SLC8A3: variants seen among roughly 807,000 people sequenced by gnomAD.
SLC8A3 encodes sodium/calcium exchanger 3.
Under a neutral mutation model 65.4 loss-of-function variants are expected in SLC8A3, and 37 were observed. The observed-to-expected ratio is 0.57, with a 90% confidence interval of 0.44 to 0.74. SLC8A3 has a LOEUF of 0.74. Among genes scored for constraint, SLC8A3 ranks in the 30% least tolerant of loss-of-function variants. The pLI is 0.00. For synonymous variants in SLC8A3, 461 were observed against 444.5 expected, an observed-to-expected ratio of 1.04 and a Z score of -0.47; for missense variants, 1,112 against 1,172.1, an observed-to-expected ratio of 0.95 and a Z score of 0.75.
In SLC8A3 at chr14:70,140,024, C is replaced by CTTT. The variant is rs1487970806; in HGVS notation, c.1784+26614_1784+26615insAAA. On this transcript the variant is annotated intron_variant, in intron 2 of 6. Coordinates refer to ENST00000356921, the MANE Select transcript of SLC8A3 (RefSeq NM_182932.3). Reference sequence around the variant, plus strand: ...TGGTGCCAAAGTAATTGTGGTTTTGCCATGACTTTTAATGGTAAAAATTGC... The same window carrying CTTT: ...TGGTGCCAAAGTAATTGTGGTTTTGCTTTCATGACTTTTAATGGTAAAAATTGC... Among the ~76,000 whole-genome samples the CTTT allele has an allele frequency of 5.9e-3, 899 of 152,200 alleles. 6 individuals carry two copies. The highest frequency in any genetic ancestry group is 0.021 in the African/African-American group (861 of 41,492).
intron 2 of SLC8A3, among the ~76,000 whole-genome samples, chr14:70,075,856 C>T (rs1412458955): frequency 6.6e-6 from 1 of 152,174 alleles, no homozygotes. Flanking sequence ...TTAGCATACT[C>T]GGAATCATCT....
intron 1 of SLC8A3, among the ~76,000 whole-genome samples, chr14:70,176,734 T>A (rs904085322): frequency 2.6e-5 from 4 of 152,262 alleles, no homozygotes; most frequent in Admixed American, 1.3e-4. Context: ...TCTACCCACA[T>A]AAGCAGATTT....
chr14:70,044,996 G>A lies in SLC8A3; in HGVS notation c.*951C>T, dbSNP rs1886595097. 1 of 152,168 alleles carries A rather than the reference G, an allele frequency of 6.6e-6. No individual in the cohort carries two copies. Among genetic ancestry groups the A allele is most frequent in the Non-Finnish European group, 1.5e-5 (1 of 68,042 alleles). The allele number at this position is 152,168 out of a possible 1,614,324, so 9.4% of individuals were successfully genotyped here. On this transcript the variant is annotated 3_prime_UTR_variant, in exon 7 of 7. Coordinates refer to ENST00000356921, the MANE Select transcript of SLC8A3 (RefSeq NM_182932.3). Reference sequence around the variant, plus strand: ...CCTTTTGTTCTTCCAGTAGCCCTTTGTCGTCACACACCATTCCTATTTTTG... The same window carrying A: ...CCTTTTGTTCTTCCAGTAGCCCTTTATCGTCACACACCATTCCTATTTTTG...
At chr14:70,086,651 C>T (rs562536705) in intron 2 of SLC8A3, among the ~76,000 whole-genome samples, 2 of 151,958 alleles carry the variant, frequency 1.3e-5, no homozygotes, top group Admixed American at 6.6e-5. Flanking sequence ...TGGTCTGCCC[C>T]CCTCAGCCTC....
At chr14:70,110,235 G>T (rs967258836) in intron 2 of SLC8A3, among the ~76,000 whole-genome samples, 1 of 152,028 alleles carries the variant, frequency 6.6e-6, no homozygotes, top group Non-Finnish European at 1.5e-5. Flanking sequence ...GTACAGCTAC[G>T]TTATTATTTA....
intron 2 of SLC8A3, among the ~76,000 whole-genome samples, chr14:70,157,611 C>T (rs947823309): frequency 2.6e-5 from 4 of 152,120 alleles, no homozygotes; most frequent in African/African-American, 4.8e-5. Context: ...TAAAGAAGCC[C>T]ATAGAGAGAA....
chr14:70,098,641 A>G (rs981798324), intron 2 of SLC8A3, among the ~76,000 whole-genome samples: 3 of 152,212 alleles, frequency 2.0e-5, no homozygotes, highest in Non-Finnish European at 4.4e-5. Flanking sequence ...CACTGGGGAC[A>G]GTCAGCTGTC....
chr14:70,074,240 G>T (rs562658443), intron 2 of SLC8A3, among the ~76,000 whole-genome samples: 1 of 152,212 alleles, frequency 6.6e-6, no homozygotes, highest in Non-Finnish European at 1.5e-5. Context: ...GGGTCCCAAA[G>T]GGGTTGTCAG....
intron 2 of SLC8A3, among the ~76,000 whole-genome samples, chr14:70,064,223 C>G (rs889267162): frequency 6.6e-6 from 1 of 152,164 alleles, no homozygotes; most frequent in Non-Finnish European, 1.5e-5. Context: ...GCTGTGTAAT[C>G]TTGGATACAT....
At chr14:70,053,976 A>G (rs1045128624) in intron 3 of SLC8A3, among the ~76,000 whole-genome samples, 2 of 152,234 alleles carry the variant, frequency 1.3e-5, no homozygotes, top group African/African-American at 4.8e-5. Flanking sequence ...TTAGAGGACC[A>G]TAGTGATTCT....
At chr14:70,114,955 C>T (rs1009711749) in intron 2 of SLC8A3, among the ~76,000 whole-genome samples, 13 of 152,156 alleles carry the variant, frequency 8.5e-5, no homozygotes, top group African/African-American at 2.7e-4. Context: ...CTTTGCAGAG[C>T]CAGGTGGGGC....
At chr14:70,059,871 T>C (rs993040944) in intron 3 of SLC8A3, among the ~76,000 whole-genome samples, 23 of 152,192 alleles carry the variant, frequency 1.5e-4, no homozygotes, top group African/African-American at 5.3e-4. Context: ...GTCAGTCCTT[T>C]TCTGGGGCCC....
chr14:70,184,049 T>C (rs1882977750), intron 1 of SLC8A3, among the ~76,000 whole-genome samples: 3 of 152,228 alleles, frequency 2.0e-5, no homozygotes, highest in African/African-American at 7.2e-5. Flanking sequence ...CTAATAAATC[T>C]GCCTTTTATT....
chr14:70,180,973 C>A (rs539510054), intron 1 of SLC8A3, among the ~76,000 whole-genome samples: 1 of 152,326 alleles, frequency 6.6e-6, no homozygotes, highest in East Asian at 1.9e-4. Context: ...CAAGTTACAG[C>A]TGGAAGGTCC....
intron 2 of SLC8A3, among the ~76,000 whole-genome samples, chr14:70,136,524 C>A (rs1895213334): frequency 6.6e-6 from 1 of 152,160 alleles, no homozygotes; most frequent in African/African-American, 2.4e-5. Context: ...CATAATGAGC[C>A]CACTCGCCTT....
intron 2 of SLC8A3, among the ~76,000 whole-genome samples, chr14:70,090,495 C>T (rs1450692774): frequency 6.6e-6 from 1 of 152,150 alleles, no homozygotes; most frequent in Non-Finnish European, 1.5e-5. Flanking sequence ...TTTTCCTAAT[C>T]GTGGTATACA....
At chr14:70,082,417 G>T (rs766495037) in intron 2 of SLC8A3, among the ~76,000 whole-genome samples, 3 of 152,132 alleles carry the variant, frequency 2.0e-5, no homozygotes, top group Non-Finnish European at 4.4e-5. Context: ...CATTTGTTCA[G>T]TTGTTTTTAC....
chr14:70,065,135 T>G (rs1889274113), intron 2 of SLC8A3, among the ~76,000 whole-genome samples: 1 of 152,214 alleles, frequency 6.6e-6, no homozygotes, highest in African/African-American at 2.4e-5. Flanking sequence ...TGGAGGAGAC[T>G]GAGGCCTTCA....
At position 70,167,857 on chromosome 14, in the gene SLC8A3, A is replaced by T. The variant is rs763016458; in HGVS notation, c.566T>A (p.Ile189Asn). The T allele has an allele frequency of 6.2e-7, 1 of 1,614,156 alleles. No homozygotes were observed. Among genetic ancestry groups the T allele is most frequent in the Non-Finnish European group, 8.5e-7 (1 of 1,180,014 alleles). The change falls in exon 2 of 7, where the codon ATC (isoleucine) becomes AAC (asparagine). Residue 189 changes from isoleucine to asparagine, a missense_variant. By Grantham distance (149) the Ile-to-Asn change is moderately radical (BLOSUM62 -3). Transcript: ENST00000356921. ...FIIIGICVYV[I>N]PDGETRKIKH... ...GATCTTGCGAGTCTCTCCGTCTGGG[A>T]TCACGTAGACACAGATGCCAATGAT... is the stretch of plus-strand genomic sequence containing the variant.
Sources: allele counts gnomAD v4.1 joint callset (sites outside exome capture counted in the v4.1 genomes callset), GRCh38; gene constraint gnomAD v4.1.1; transcripts MANE v1.5; gene names NCBI Gene and HGNC (gene_info 2026-07-23, HGNC 2026-07-21).